EXPH5: variants seen among roughly 807,000 people sequenced by gnomAD.
The protein encoded by EXPH5 is exophilin-5.
A neutral mutation model predicts 41.1 loss-of-function variants in EXPH5; 42 were observed. That is an observed-to-expected ratio of 1.02 (90% CI 0.80 to 1.32). The LOEUF is 1.32. EXPH5 is among the 40% of genes most tolerant of loss of function. EXPH5 has a pLI of 0.00. For synonymous variants in EXPH5, 798 were observed against 833.5 expected (o/e 0.96, Z 0.73); for missense variants, 2,298 against 2,314.5 (o/e 0.99, Z 0.15).
At chr11:108,587,346 C>A (rs1488865540) in intron 1 of EXPH5, among the ~76,000 whole-genome samples, 2 of 152,220 alleles carry the variant, frequency 1.3e-5, no homozygotes, top group Non-Finnish European at 2.9e-5. Flanking sequence ...TATTTTCTGA[C>A]TAACCTTCAC....
At chr11:108,540,606 A>T (rs1317307780) in intron 2 of EXPH5, among the ~76,000 whole-genome samples, 1 of 152,206 alleles carries the variant, frequency 6.6e-6, no homozygotes, top group East Asian at 1.9e-4. Context: ...ACTCCGCGTC[A>T]GTAAAAAGAT....
At chr11:108,548,507 C>T (rs2093949079) in intron 1 of EXPH5, among the ~76,000 whole-genome samples, 1 of 152,122 alleles carries the variant, frequency 6.6e-6, no homozygotes, top group Non-Finnish European at 1.5e-5. Context: ...CTGGAGATGG[C>T]TGTCAGGAAA....
chr11:108,567,132 G>A (rs2094038124), intron 1 of EXPH5, among the ~76,000 whole-genome samples: 2 of 152,220 alleles, frequency 1.3e-5, no homozygotes, highest in Non-Finnish European at 2.9e-5. Context: ...AGAAGTTACT[G>A]ATGGTGAACA....
At chr11:108,581,374 G>A (rs1163907361) in intron 1 of EXPH5, among the ~76,000 whole-genome samples, 1 of 151,854 alleles carries the variant, frequency 6.6e-6, no homozygotes, top group Non-Finnish European at 1.5e-5. Flanking sequence ...AGAGGATATG[G>A]AATGCCCCCA....
rs560743486 is a variant in EXPH5, at chr11:108,513,861, T to C, written c.1646A>G (p.His549Arg). Residue 549 changes from histidine (H) to arginine (R), a missense_variant, in exon 6 of 6, where the codon CAT (histidine) becomes CGT (arginine). Transcript: ENST00000265843. ...TDVSRGQEEP[H>R]PWQFDFQRST... ...TCTCTGAAAATCAAACTGCCAAGGA[T>C]GTGGCTCTTCTTGGCCTCTGGAAAC... The C allele has an allele frequency of 6.5e-7, 1 of 1,535,708 alleles. No homozygotes were observed. Among genetic ancestry groups the C allele is most frequent in the South Asian group, 1.3e-5 (1 of 78,416 alleles).
chr11:108,569,518 TGA>T, intron 1 of EXPH5, among the ~76,000 whole-genome samples: 1 of 152,212 alleles, frequency 6.6e-6, no homozygotes, highest in South Asian at 2.1e-4. Flanking sequence ...TTTTGTATTT[TGA>T]GTAGAGACAG....
chr11:108,551,115 C>T (rs1343020754), intron 1 of EXPH5, among the ~76,000 whole-genome samples: 1 of 152,186 alleles, frequency 6.6e-6, no homozygotes, highest in Non-Finnish European at 1.5e-5. Context: ...TAACACTGCT[C>T]CAGCATCGTC....
intron 1 of EXPH5, among the ~76,000 whole-genome samples, chr11:108,561,056 G>A (rs763613909): frequency 6.6e-6 from 1 of 152,142 alleles, no homozygotes. Flanking sequence ...AGGACATTAT[G>A]CATTTTAAAT....
chr11:108,586,787 C>G (rs1392406375), intron 1 of EXPH5, among the ~76,000 whole-genome samples: 4 of 151,680 alleles, frequency 2.6e-5, no homozygotes, highest in Admixed American at 1.3e-4. Flanking sequence ...TCTCCCATTT[C>G]CTCTTTCATC....
chr11:108,574,968 G>A (rs938251818), intron 1 of EXPH5, among the ~76,000 whole-genome samples: 2 of 152,146 alleles, frequency 1.3e-5, no homozygotes, highest in African/African-American at 4.8e-5. Context: ...AAACCAGCTG[G>A]CAGCTACCTA....
rs17108136 is a variant in EXPH5 at position 108,521,529 on chromosome 11, G to A, written c.493-3156C>T. On this transcript the variant is annotated intron_variant, in intron 4 of 5. Transcript: ENST00000265843. ...GATTTAGCATACTAATATAAAATTC[G>A]GAAGTAAACAAATGTTAAAAGCAAA... 2.5e-3 allele frequency among the ~76,000 whole-genome samples: 373 copies of A among 152,082 alleles called. 2 individuals are homozygous for A. The highest frequency in any genetic ancestry group is 8.1e-3 in the African/African-American group (334 of 41,486).
intron 1 of EXPH5, among the ~76,000 whole-genome samples, chr11:108,544,638 A>G (rs925134883): frequency 6.6e-6 from 1 of 152,208 alleles, no homozygotes; most frequent in African/African-American, 2.4e-5. Context: ...CACTCCAGGA[A>G]ATTTATCTTA....
upstream of EXPH5, among the ~76,000 whole-genome samples, chr11:108,594,242 A>T (rs941131465): frequency 2.6e-5 from 4 of 152,196 alleles, no homozygotes; most frequent in Non-Finnish European, 5.9e-5. Context: ...TTATTTGCCA[A>T]GCCTCTCATC....
At chr11:108,549,741 C>A (rs775047684) in intron 1 of EXPH5, among the ~76,000 whole-genome samples, 3 of 152,280 alleles carry the variant, frequency 2.0e-5, no homozygotes, top group South Asian at 2.1e-4. Flanking sequence ...CAGGTTCTAG[C>A]TGGGTGATCT....
intron 1 of EXPH5, among the ~76,000 whole-genome samples, chr11:108,545,493 A>G (rs1477811135): frequency 1.7e-4 from 26 of 152,190 alleles, no homozygotes. Flanking sequence ...AGTGATAAAC[A>G]TGACTTATTC....
intron 1 of EXPH5, among the ~76,000 whole-genome samples, chr11:108,551,279 C>T (rs1434807749): frequency 1.3e-5 from 2 of 152,178 alleles, no homozygotes; most frequent in Non-Finnish European, 2.9e-5. Context: ...GCAATTGATA[C>T]AAACTTACAG....
At chr11:108,561,049 A>G (rs2094009200) in intron 1 of EXPH5, among the ~76,000 whole-genome samples, 2 of 152,178 alleles carry the variant, frequency 1.3e-5, no homozygotes, top group African/African-American at 4.8e-5. Context: ...ACATTGGAGG[A>G]CATTATGCAT....
At chr11:108,596,151 C>T (rs1482152504), upstream of EXPH5, among the ~76,000 whole-genome samples, 2 of 151,970 alleles carry the variant, frequency 1.3e-5, no homozygotes, top group African/African-American at 4.8e-5. Context: ...GCCGAGATCA[C>T]ACCACTGCAC....
chr11:108,540,365 A>C (rs1279095763), intron 2 of EXPH5, among the ~76,000 whole-genome samples: 1 of 152,124 alleles, frequency 6.6e-6, no homozygotes, highest in African/African-American at 2.4e-5. Flanking sequence ...CCATAATATT[A>C]TAATGATTTG....
Sources: gnomAD v4.1 joint callset for allele counts (sites outside exome capture counted in the v4.1 genomes callset) on GRCh38, gnomAD v4.1.1 for gene constraint, MANE v1.5 for transcripts, NCBI Gene and HGNC (gene_info 2026-07-23, HGNC 2026-07-21) for gene names.